The following AKR1B10 variants were observed in gnomAD, a reference collection of about 807,000 sequenced individuals.
AKR1B10 encodes the protein ARP.
In AKR1B10, 39 loss-of-function variants were observed where a neutral mutation model predicts 38.9. The observed-to-expected ratio is 1.00, with a 90% CI of 0.78 to 1.31. The LOEUF (loss-of-function observed/expected upper bound fraction) is 1.31. AKR1B10 is among the 50% of genes most tolerant of loss of function. The pLI is 0.00. For missense variants in AKR1B10, 361 were observed against 382.6 expected (o/e 0.94, Z 0.47); for synonymous variants, 148 against 141.2 (o/e 1.05, Z -0.34).
At chr7:134,539,049 C>T (rs1808084330) in intron 9 of AKR1B10, 32 bp downstream of exon 9, 3 of 1,612,722 alleles carry the variant, frequency 1.9e-6, no homozygotes, top group African/African-American at 1.3e-5. Context: ...AGAAGCATTG[C>T]CAGGAGTTTT....
intron 4 of AKR1B10, chr7:134,535,585 C>CTTTTTTTTTTTTT (rs58628862): frequency 2.4e-4 from 97 of 410,588 alleles, no homozygotes; most frequent in Admixed American, 7.4e-4. Flanking sequence ...TCTTTTCTGT[C>CTTTTTTTTTTTTT]TTTTTTTTTT....
At position 134,527,724 on chromosome 7, in the gene AKR1B10, T is replaced by TTCATTAA; in HGVS notation, c.-188_-187insTCATTAA. 2 of 499,804 alleles carry TTCATTAA rather than the reference T, an allele frequency of 4.0e-6. No individual in the cohort carries two copies. Among genetic ancestry groups the TTCATTAA allele is most frequent in the Admixed American group, 7.2e-5 (2 of 27,612 alleles). The allele number at this position is 499,804 out of a possible 1,614,324, so 31.0% of individuals were successfully genotyped here. A position where few individuals can be genotyped will look rare whatever the true frequency, so the allele number is the denominator to read the frequency against. ...AGCTGGGAGTCACGGTGGGCGCCTG[T>TTCATTAA]AATCCCAGCTACTCGGGAGGCTGAG... On this transcript the variant is annotated 5_prime_UTR_variant, in exon 1 of 10. Coordinates refer to ENST00000359579, the MANE Select transcript of AKR1B10 (RefSeq NM_020299.5).
chr7:134,538,055 A>G, intron 7 of AKR1B10, 139 bp from the exon 8 acceptor site: 1 of 827,872 alleles, frequency 1.2e-6, no homozygotes, highest in Non-Finnish European at 2.1e-6. Context: ...GCACAAGTCT[A>G]ATAGCTGTGA....
intron 1 of AKR1B10, among the ~76,000 whole-genome samples, chr7:134,528,757 A>AAGAG (rs918107809): frequency 6.6e-6 from 1 of 152,050 alleles, no homozygotes; most frequent in Non-Finnish European, 1.5e-5. Flanking sequence ...GAGAGAAAGA[A>AAGAG]AGAGAGACAG....
chr7:134,536,571 G>T (rs1426246952), intron 4 of AKR1B10, 79 bp from the exon 5 acceptor site: 1 of 1,547,728 alleles, frequency 6.5e-7, no homozygotes, highest in African/African-American at 1.4e-5. Flanking sequence ...AGCAATTTCT[G>T]CCCCAGGGAG....
Position 134,527,836 on chromosome 7 carries a change from A to C in AKR1B10, c.-76A>C. 1 of 1,604,764 alleles carries C rather than the reference A, an allele frequency of 6.2e-7. No individual in the cohort carries two copies. Among genetic ancestry groups the C allele is most frequent in the Non-Finnish European group, 8.5e-7 (1 of 1,174,170 alleles). ...ACTCTAGCCTTGGCAACAGTGCAAG[A>C]CTGTCTCAAAAACAGCAACAGAGAG... On this transcript the variant is annotated 5_prime_UTR_variant, in exon 1 of 10. Transcript: ENST00000359579.
rs1388166014 is a variant in AKR1B10 at position 134,532,577 on chromosome 7, A to T, written c.352-427A>T. Reference sequence around the variant, plus strand: ...TCTCCCCTCCTGACCAACTGGAGTGATGATGGCCTGCCACCCCTAATTCCA... The same window carrying T: ...TCTCCCCTCCTGACCAACTGGAGTGTTGATGGCCTGCCACCCCTAATTCCA... On this transcript the variant is annotated intron_variant, in intron 3 of 9. Transcript: ENST00000359579. Among the ~76,000 whole-genome samples the T allele has an allele frequency of 3.3e-5, 5 of 152,250 alleles. No individual in the cohort carries two copies. In the East Asian group the frequency reaches 9.7e-4, roughly 29 times the overall value.
At position 134,537,648 on chromosome 7, in the gene AKR1B10, A is replaced by G; in HGVS notation, c.728A>G (p.Lys243Arg). Residue 243 changes from lysine (K) to arginine (R), a missense_variant, in exon 7 of 10, where the codon AAA becomes AGA. Coordinates refer to ENST00000359579, the MANE Select transcript of AKR1B10 (RefSeq NM_020299.5). The stretch of plus-strand genomic sequence containing the variant: ...AAGGAGATTGCTGCAAAGCACAAAA[A>G]AACCGCAGCCCAGGTGCCATATTTT... ...KIKEIAAKHK[K>R]TAAQVLIRFH... 1.2e-6 allele frequency: 2 copies of G among 1,614,168 alleles called. No individual in the cohort carries two copies. The highest frequency in any genetic ancestry group is 1.7e-6 in the Non-Finnish European group (2 of 1,180,008).
intron 4 of AKR1B10, among the ~76,000 whole-genome samples, chr7:134,536,393 A>G (rs939167396): frequency 6.6e-6 from 1 of 152,054 alleles, no homozygotes; most frequent in Non-Finnish European, 1.5e-5. Context: ...GTGTTTCTTC[A>G]CGTGTAAGGT....
chr7:134,533,577 C>A (rs976346870), intron 4 of AKR1B10, among the ~76,000 whole-genome samples: 1 of 152,178 alleles, frequency 6.6e-6, no homozygotes, highest in African/African-American at 2.4e-5. Flanking sequence ...GTTAACATCC[C>A]CATTTATAAA....
chr7:134,535,736 G>C, intron 4 of AKR1B10: 1 of 965,834 alleles, frequency 1.0e-6, no homozygotes, highest in Non-Finnish European at 1.2e-6. Context: ...GGCAGCCTCA[G>C]TGTCATGATT....
intron 4 of AKR1B10, among the ~76,000 whole-genome samples, chr7:134,534,618 G>C (rs1397853153): frequency 1.3e-5 from 2 of 152,172 alleles, no homozygotes; most frequent in Non-Finnish European, 2.9e-5. Context: ...AAATGAGCAG[G>C]CTTGAATATG....
Position 134,530,622 on chromosome 7 carries a change from A to G in AKR1B10, c.67-21A>G, listed in dbSNP as rs184402961. 7.4e-5 allele frequency: 120 copies of G among 1,613,542 alleles called. 1 individual carries two copies. The East Asian group carries it at 2.2e-3, about 29-fold the overall frequency. On this transcript the variant is annotated intron_variant, in intron 1 of 9. Transcript: ENST00000359579. ...TCTTAAAAAAAACACATATGTGATGAGCTTTTCTTTTGCCTTTCAGTCTCC... is the reference window on the plus strand; with the variant it reads ...TCTTAAAAAAAACACATATGTGATGGGCTTTTCTTTTGCCTTTCAGTCTCC...
chr7:134,538,091 T>C (rs1295787069), intron 7 of AKR1B10, 103 bp from the exon 8 acceptor site: 11 of 1,093,956 alleles, frequency 1.0e-5, no homozygotes, highest in Non-Finnish European at 1.4e-5. Context: ...TTAGCGATTG[T>C]ACCTGAAGCC....
Position 134,537,138 on chromosome 7 carries a change from G to T in AKR1B10, c.640G>T (p.Gly214Cys). 1 of 1,596,360 alleles carries T rather than the reference G, an allele frequency of 6.3e-7. No individual in the cohort carries two copies. The highest frequency in any genetic ancestry group is 8.5e-7 in the Non-Finnish European group (1 of 1,171,198). The change falls in exon 6 of 10, where the codon GGC (glycine) becomes TGC (cysteine). Residue 214 changes from glycine (G) to cysteine (C), a missense_variant. Around this residue, in one of 3 missense-constraint regions of AKR1B10, gnomAD observed 132 missense variants for 134.6 expected, o/e 0.98. Coordinates refer to ENST00000359579, the MANE Select transcript of AKR1B10 (RefSeq NM_020299.5). ...GITVTAYSPLGSPDRPWAKPE... is the reference protein window; with the variant it reads ...GITVTAYSPLCSPDRPWAKPE... Reference sequence around the variant, plus strand: ...CACCGTTACGGCCTACAGCCCCCTGGGCTCTCCGGATAGACCTTGGTGAGG... The same window carrying T: ...CACCGTTACGGCCTACAGCCCCCTGTGCTCTCCGGATAGACCTTGGTGAGG...
intron 4 of AKR1B10, among the ~76,000 whole-genome samples, chr7:134,536,162 G>A (rs548365085): frequency 6.6e-6 from 1 of 152,310 alleles, no homozygotes; most frequent in African/African-American, 2.4e-5. Context: ...ACCCACAAGT[G>A]AGGCTTCTCC....
At chr7:134,532,081 A>G in intron 3 of AKR1B10, 57 bp downstream of exon 3, 1 of 1,597,410 alleles carries the variant, frequency 6.3e-7, no homozygotes, top group Non-Finnish European at 8.6e-7. Context: ...AGAAAATAGT[A>G]GCTGCACCAG....
At chr7:134,528,922 G>C (rs1242092848) in intron 1 of AKR1B10, among the ~76,000 whole-genome samples, 1 of 152,178 alleles carries the variant, frequency 6.6e-6, no homozygotes, top group African/African-American at 2.4e-5. Context: ...GCACCACCCG[G>C]CTGTGTTAAC....
chr7:134,532,200 G>C (rs918397172), intron 3 of AKR1B10, among the ~76,000 whole-genome samples, 176 bp downstream of exon 3: 5 of 152,234 alleles, frequency 3.3e-5, no homozygotes, highest in African/African-American at 1.2e-4. Flanking sequence ...CTGGAAGGGA[G>C]GTTGAGGCCA....
Sources: gnomAD v4.1 joint callset for allele counts (sites outside exome capture counted in the v4.1 genomes callset) on GRCh38, gnomAD v4.1.1 for gene constraint, gnomAD v4.1.1 regional missense constraint, MANE v1.5 for transcripts, NCBI Gene and HGNC (gene_info 2026-07-23, HGNC 2026-07-21) for gene names.